SCFD1: variants seen among roughly 807,000 people sequenced by gnomAD.
SCFD1 encodes sec1 family domain-containing protein 1.
A neutral mutation model predicts 103.2 loss-of-function variants in SCFD1; 37 were observed. The ratio of observed to expected loss-of-function variants is 0.36; its 90% CI spans 0.28 to 0.47. The LOEUF (loss-of-function observed/expected upper bound fraction) is 0.47. Ranked by LOEUF, SCFD1 falls within the 20% of genes least tolerant of loss-of-function variation. The probability of loss-of-function intolerance (pLI) is 1.00; values close to 1 mark genes in which losing one functional copy is unlikely to be tolerated. For missense variants in SCFD1, 639 were observed against 761.2 expected, an observed-to-expected ratio of 0.84 and a Z score of 1.89; for synonymous variants, 264 against 245.0, an observed-to-expected ratio of 1.08 and a Z score of -0.73.
chr14:30,722,642 C>A, intron 23 of SCFD1, 83 bp downstream of exon 23: 1 of 694,344 alleles, frequency 1.4e-6, no homozygotes, highest in Non-Finnish European at 2.3e-6. Flanking sequence ...CTATCCTGAT[C>A]CTTCTATAAC....
At chr14:30,702,409 T>G in intron 17 of SCFD1, 34 bp downstream of exon 17, 2 of 1,333,912 alleles carry the variant, frequency 1.5e-6, no homozygotes, top group Non-Finnish European at 2.1e-6. Context: ...TTCCTGTCAT[T>G]TAAAAGAGTA....
At position 30,702,288 on chromosome 14, in the gene SCFD1, T is replaced by A. The variant is rs769946242; in HGVS notation, c.1411-8T>A. The stretch of plus-strand genomic sequence containing the variant: ...ATTTTTTGTCATATAGTTCTTTTCT[T>A]ATTTCAGGCTGATTTGGAGCAATAT... On this transcript the variant is annotated splice_region_variant and splice_polypyrimidine_tract_variant and intron_variant, in intron 16 of 24. Transcript: ENST00000458591. 6.4e-7 allele frequency: 1 copy of A among 1,573,924 alleles called. No individual in the cohort carries two copies. The highest frequency in any genetic ancestry group is 8.6e-7 in the Non-Finnish European group (1 of 1,157,978).
chr14:30,694,745 T>G (rs1890575794), intron 14 of SCFD1, 28 bp from the exon 15 acceptor site: 1 of 1,562,312 alleles, frequency 6.4e-7, no homozygotes, highest in Admixed American at 2.2e-5. Flanking sequence ...ACTTAATATA[T>G]TCTCATCTAA....
At chr14:30,641,630 G>T (rs932350409) in intron 6 of SCFD1, among the ~76,000 whole-genome samples, 1 of 152,130 alleles carries the variant, frequency 6.6e-6, no homozygotes, top group East Asian at 1.9e-4. Context: ...AATGCAAATT[G>T]TATTCTTTAT....
intron 6 of SCFD1, among the ~76,000 whole-genome samples, chr14:30,640,572 CA>C (rs1166659832): frequency 1.3e-5 from 2 of 152,146 alleles, no homozygotes; most frequent in African/African-American, 4.8e-5. Context: ...TCATATTGAA[CA>C]GATTAAATTC....
chr14:30,679,304 T>A (rs1368799235), intron 14 of SCFD1, among the ~76,000 whole-genome samples: 1 of 152,162 alleles, frequency 6.6e-6, no homozygotes, highest in Non-Finnish European at 1.5e-5. Flanking sequence ...ATGAAAAGAT[T>A]GTTTCTATAA....
intron 14 of SCFD1, among the ~76,000 whole-genome samples, chr14:30,692,114 A>G (rs1345072846): frequency 1.3e-5 from 2 of 152,000 alleles, no homozygotes; most frequent in African/African-American, 4.8e-5. Context: ...GCAGTCACAA[A>G]ATACTAGATT....
chr14:30,704,525 T>G (rs1037669733), intron 17 of SCFD1, among the ~76,000 whole-genome samples: 2 of 152,308 alleles, frequency 1.3e-5, no homozygotes, highest in Admixed American at 1.3e-4. Context: ...AAAACTATTT[T>G]TTGTTGTTGT....
At chr14:30,670,189 G>A (rs1358786717) in intron 10 of SCFD1, 67 bp from the exon 11 acceptor site, 13 of 1,284,182 alleles carry the variant, frequency 1.0e-5, no homozygotes, top group East Asian at 2.5e-5. Flanking sequence ...CATTAGAAAG[G>A]GCAACAAGAT....
At chr14:30,650,168 G>A (rs1415825894) in intron 8 of SCFD1, among the ~76,000 whole-genome samples, 1 of 152,128 alleles carries the variant, frequency 6.6e-6, no homozygotes, top group African/African-American at 2.4e-5. Context: ...TCTCTTCTGA[G>A]GCTTCTTGTA....
intron 8 of SCFD1, 65 bp downstream of exon 8, chr14:30,649,648 C>T (rs753676069): frequency 3.3e-5 from 39 of 1,197,282 alleles, no homozygotes; most frequent in Middle Eastern, 3.8e-4. Flanking sequence ...CCACAAGTAA[C>T]GCAACTGTTT....
At chr14:30,637,530 G>C (rs1259691130) in intron 4 of SCFD1, among the ~76,000 whole-genome samples, 2 of 152,066 alleles carry the variant, frequency 1.3e-5, no homozygotes, top group Non-Finnish European at 2.9e-5. Context: ...TTAATTCTTA[G>C]TGTTACATAA....
chr14:30,681,751 T>C (rs977722344), intron 14 of SCFD1, among the ~76,000 whole-genome samples: 2 of 152,106 alleles, frequency 1.3e-5, no homozygotes, highest in African/African-American at 4.8e-5. Context: ...AGCATCACAT[T>C]ACAAAAGACA....
chr14:30,699,440 C>T lies in SCFD1; in HGVS notation c.1340-748C>T, dbSNP rs149300998. ...TTTATCACCTTTCCACCAAAGTGCA[C>T]ATACATGATAGAAGAACAGACAATA... On this transcript the variant is annotated intron_variant, in intron 15 of 24. Transcript: ENST00000458591. Among the ~76,000 whole-genome samples, 439 of 152,228 alleles carry T rather than the reference C, an allele frequency of 2.9e-3. 4 individuals are homozygous for T. Among genetic ancestry groups the T allele is most frequent in the African/African-American group, 9.1e-3 (379 of 41,542 alleles).
chr14:30,644,678 C>G (rs756657802), intron 7 of SCFD1, among the ~76,000 whole-genome samples: 1 of 152,110 alleles, frequency 6.6e-6, no homozygotes, highest in African/African-American at 2.4e-5. Context: ...TGTTCATGTC[C>G]TTTGCCCATT....
At chr14:30,640,004 C>CA in intron 6 of SCFD1, 140 bp downstream of exon 6, 1 of 993,996 alleles carries the variant, frequency 1.0e-6, no homozygotes, top group Non-Finnish European at 1.4e-6. Context: ...TAAAAGCACA[C>CA]AGAGAAAACA....
intron 19 of SCFD1, among the ~76,000 whole-genome samples, chr14:30,708,530 T>A (rs894348151): frequency 4.0e-5 from 6 of 151,800 alleles, no homozygotes; most frequent in East Asian, 1.9e-4. Context: ...TATACTTTTT[T>A]AAAAAAAAAT....
chr14:30,673,194 G>T, intron 11 of SCFD1, 63 bp from the exon 12 acceptor site: 1 of 693,170 alleles, frequency 1.4e-6, no homozygotes, highest in Non-Finnish European at 2.5e-6. Context: ...ATATATTTTA[G>T]AATTTACACA....
chr14:30,653,406 C>A, intron 9 of SCFD1, 83 bp from the exon 10 acceptor site: 1 of 827,010 alleles, frequency 1.2e-6, no homozygotes, highest in Non-Finnish European at 2.0e-6. Flanking sequence ...ATCAAAATGG[C>A]ATATACTGGA....
Sources: allele counts gnomAD v4.1 joint callset (sites outside exome capture counted in the v4.1 genomes callset), GRCh38; gene constraint gnomAD v4.1.1; transcripts MANE v1.5; gene names NCBI Gene and HGNC (gene_info 2026-07-23, HGNC 2026-07-21).